HHATL: variants seen among roughly 807,000 people sequenced by gnomAD.
HHATL encodes protein-cysteine N-palmitoyltransferase HHAT-like protein.
HHATL carries 49 observed loss-of-function variants against 59.7 expected under a neutral mutation model. That is an observed-to-expected ratio of 0.82 (90% CI 0.65 to 1.04). The LOEUF (loss-of-function observed/expected upper bound fraction) is 1.04. Ranked by LOEUF, HHATL falls within the 50% of genes least tolerant of loss-of-function variation. The pLI is 0.00. For missense variants in HHATL, 605 were observed against 650.8 expected, an observed-to-expected ratio of 0.93 and a Z score of 0.77; for synonymous variants, 238 against 257.3, an observed-to-expected ratio of 0.93 and a Z score of 0.72.
intron 9 of HHATL, 81 bp from the exon 10 acceptor site, chr3:42,693,899 T>C: frequency 8.4e-7 from 1 of 1,190,828 alleles, no homozygotes; most frequent in Non-Finnish European, 1.2e-6. Context: ...CAACAGGGCG[T>C]CCTCCTCAAC....
In HHATL at chr3:42,701,686, C is replaced by T. The variant is rs1053544807; in HGVS notation, c.-13-847G>A. The stretch of plus-strand genomic sequence containing the variant: ...ACCACTCCCTCCAGCGGGGGCCTAG[C>T]TTGTCCCCTGGAGAACTGCTGGGCC... On this transcript the variant is annotated intron_variant, in intron 1 of 11. Transcript: ENST00000441594. This position sits in a 1 kb window ranked among gnomAD's most constrained non-coding sequence, Gnocchi z 5.1. 6.6e-6 allele frequency among the ~76,000 whole-genome samples: 1 copy of T among 152,242 alleles called. No homozygotes were observed. Among genetic ancestry groups the T allele is most frequent in the Non-Finnish European group, 1.5e-5 (1 of 68,036 alleles).
intron 9 of HHATL, among the ~76,000 whole-genome samples, chr3:42,695,069 C>G (rs530943988): frequency 4.6e-5 from 7 of 152,146 alleles, no homozygotes; most frequent in Non-Finnish European, 1.0e-4. Flanking sequence ...GTGGAAGACC[C>G]AGGAATAACC....
At chr3:42,693,396 ACAAGG>A in intron 10 of HHATL, 178 bp from the exon 11 acceptor site, 1 of 839,422 alleles carries the variant, frequency 1.2e-6, no homozygotes, top group South Asian at 1.8e-5. Flanking sequence ...CAGAGAGAGG[ACAAGG>A]CCTGACCAAC....
intron 9 of HHATL, among the ~76,000 whole-genome samples, chr3:42,694,814 C>T (rs1043038283): frequency 2.6e-5 from 4 of 152,308 alleles, no homozygotes; most frequent in African/African-American, 4.8e-5. Context: ...GCCTAGACCC[C>T]GACTAAAGAA....
chr3:42,695,049 A>G (rs1207151106), intron 9 of HHATL, among the ~76,000 whole-genome samples: 1 of 152,184 alleles, frequency 6.6e-6, no homozygotes, highest in Non-Finnish European at 1.5e-5. Context: ...ATATTTGTTA[A>G]ATAAGTTCTG....
Position 42,698,734 on chromosome 3 carries a change from T to G in HHATL, c.457A>C (p.Lys153Gln), listed in dbSNP as rs1697770789. The change falls in exon 5 of 12, where the codon AAG (lysine) becomes CAG (glutamine). Residue 153 changes from lysine to glutamine, a missense_variant. Transcript: ENST00000441594. ...TGCCAAGAGATTAGGGGGTCCATCT[T>G]GAAGGAGGCCAGGCTGGCCAAGCCA... Reference protein sequence around the residue: ...GLGLASLASFKMDPLISWQSG... With the variant: ...GLGLASLASFQMDPLISWQSG... The G allele has an allele frequency of 6.3e-7, 1 of 1,587,546 alleles. No homozygotes were observed. The highest frequency in any genetic ancestry group is 8.5e-7 in the Non-Finnish European group (1 of 1,170,326).
intron 9 of HHATL, 197 bp from the exon 10 acceptor site, chr3:42,694,015 A>G (rs1369325310): frequency 1.8e-5 from 11 of 596,038 alleles, no homozygotes; most frequent in East Asian, 2.8e-5. Flanking sequence ...TAGCTTCTCT[A>G]TCTCTGTTCG....
chr3:42,696,839 C>A lies in HHATL; in HGVS notation c.1046+3G>T, dbSNP rs957438787. ...TGACCACCCCCACCCCACTCCTACT[C>A]ACTTGCAAAGCCAGTCGTTGATGCC... On this transcript the variant is annotated splice_donor_region_variant and intron_variant, in intron 9 of 11. Transcript: ENST00000441594. 1.9e-6 allele frequency: 3 copies of A among 1,613,998 alleles called. No homozygotes were observed. Among genetic ancestry groups the A allele is most frequent in the Non-Finnish European group, 2.5e-6 (3 of 1,179,938 alleles).
chr3:42,696,743 C>T, intron 9 of HHATL, 99 bp downstream of exon 9: 11 of 1,326,924 alleles, frequency 8.3e-6, no homozygotes, highest in Middle Eastern at 2.0e-4. Flanking sequence ...CTTCCCCTGG[C>T]CCAGGGGTGA....
chr3:42,697,354 A>G (rs1421517311), intron 7 of HHATL, among the ~76,000 whole-genome samples, 154 bp downstream of exon 7: 1 of 152,110 alleles, frequency 6.6e-6, no homozygotes, highest in Non-Finnish European at 1.5e-5. Flanking sequence ...TAATGCCAAG[A>G]CCCATGCATT....
intron 1 of HHATL, among the ~76,000 whole-genome samples, chr3:42,702,068 T>G (rs1372682290): frequency 6.6e-6 from 1 of 152,194 alleles, no homozygotes; most frequent in Non-Finnish European, 1.5e-5. Flanking sequence ...CCTTCAGGAT[T>G]GGGTTTCTCA....
chr3:42,699,173 G>A, intron 3 of HHATL, 28 bp from the exon 4 acceptor site: 3 of 1,570,498 alleles, frequency 1.9e-6, no homozygotes, highest in Non-Finnish European at 2.6e-6. Context: ...AGAAGGAGGT[G>A]GGGCAGGTGA....
Position 42,699,197 on chromosome 3 carries a change from G to A in HHATL, c.175-52C>T, listed in dbSNP as rs777673857. ...TGGGGCAGGTGAGGGTGGGAGAGGG[G>A]ACAGGACGAGCTGGAACCTGGGCTG... On this transcript the variant is annotated intron_variant, in intron 3 of 11. Coordinates refer to ENST00000441594, the MANE Select transcript of HHATL (RefSeq NM_020707.4). The A allele has an allele frequency of 3.8e-6, 5 of 1,331,528 alleles. No homozygotes were observed. The East Asian group carries it at 9.2e-5, about 24-fold the overall frequency. The allele number at this position is 1,331,528 out of a possible 1,614,324, so 82.5% of individuals were successfully genotyped here.
chr3:42,695,256 A>G lies in HHATL; in HGVS notation c.1047-1438T>C, dbSNP rs531049767. Among the ~76,000 whole-genome samples the G allele has an allele frequency of 4.6e-5, 7 of 152,222 alleles. No individual in the cohort carries two copies. The South Asian group carries it at 1.0e-3, about 23-fold the overall frequency. On this transcript the variant is annotated intron_variant, in intron 9 of 11. Coordinates refer to ENST00000441594, the MANE Select transcript of HHATL (RefSeq NM_020707.4). ...CTGGCCCCCCAGCTTCAGTTCTTCAATCCCATTGATCTTGTGACCCTCCCA... is the reference window on the plus strand; with the variant it reads ...CTGGCCCCCCAGCTTCAGTTCTTCAGTCCCATTGATCTTGTGACCCTCCCA...
At position 42,698,920 on chromosome 3, in the gene HHATL, G is replaced by A. The variant is rs368151427; in HGVS notation, c.289-18C>T. The A allele has an allele frequency of 6.2e-7, 1 of 1,603,816 alleles. No individual in the cohort carries two copies. Among genetic ancestry groups the A allele is most frequent in the Non-Finnish European group, 8.5e-7 (1 of 1,173,770 alleles). ...GAGCGGAGCTGTGGGCAGGGAGAAG[G>A]CTTCAGTTTCGCCATATAAATGGGG... On this transcript the variant is annotated intron_variant, in intron 4 of 11. Coordinates refer to ENST00000441594, the MANE Select transcript of HHATL (RefSeq NM_020707.4).
rs1038437530 is a variant in HHATL, at chr3:42,699,689, A to C, written c.174+69T>G. 5.9e-6 allele frequency: 8 copies of C among 1,360,788 alleles called. 1 individual carries two copies. The highest frequency in any genetic ancestry group is 8.2e-6 in the Non-Finnish European group (8 of 978,320). 84.3% of individuals were successfully genotyped at this position (1,360,788 alleles called of 1,614,324 possible). ...TGTGAGAAGCTCTCTGTTACTTGCC[A>C]ACATCTGGAACAGCAGAGAGCAGAG... On this transcript the variant is annotated intron_variant, in intron 3 of 11. Transcript: ENST00000441594.
intron 9 of HHATL, chr3:42,694,098 G>C: frequency 2.1e-6 from 1 of 473,906 alleles, no homozygotes; most frequent in East Asian, 3.8e-5. Context: ...CCCTAAATCT[G>C]TGTCTTTAGC....
chr3:42,695,823 G>A (rs183936467), intron 9 of HHATL, among the ~76,000 whole-genome samples: 2 of 152,242 alleles, frequency 1.3e-5, no homozygotes, highest in African/African-American at 4.8e-5. Context: ...CCTGGAACTA[G>A]ACACCCTCAC....
chr3:42,698,612 G>A, intron 5 of HHATL, 96 bp downstream of exon 5: 1 of 1,389,788 alleles, frequency 7.2e-7, no homozygotes, highest in Non-Finnish European at 9.8e-7. Context: ...GAAAGTGAAG[G>A]GAATACTTGG....
Sources: allele counts gnomAD v4.1 joint callset (sites outside exome capture counted in the v4.1 genomes callset), GRCh38; gene constraint gnomAD v4.1.1; non-coding constraint Gnocchi (gnomAD v3.1); transcripts MANE v1.5; gene names NCBI Gene and HGNC (gene_info 2026-07-23, HGNC 2026-07-21).